The following CDH13 variants were observed in gnomAD, a reference collection of about 807,000 sequenced individuals.
The protein encoded by CDH13 is cadherin 13.
A neutral mutation model predicts 63.8 loss-of-function variants in CDH13; 24 were observed. The ratio of observed to expected loss-of-function variants is 0.38; its 90% CI spans 0.27 to 0.53. CDH13 has a LOEUF of 0.53. Ranked by LOEUF, CDH13 falls within the 20% of genes least tolerant of loss-of-function variation. The pLI is 0.85. For synonymous variants in CDH13, 503 were observed against 355.3 expected (o/e 1.42, Z -4.67); for missense variants, 1,049 against 903.1 (o/e 1.16, Z -2.07).
chr16:83,155,644 C>T (rs557502811), intron 4 of CDH13, among the ~76,000 whole-genome samples: 1 of 152,208 alleles, frequency 6.6e-6, no homozygotes, highest in East Asian at 1.9e-4. Context: ...AAAATGGATG[C>T]ATTGGGGGCC....
rs867442705 is a variant in CDH13, at chr16:83,714,729, G to C, written c.1539-33379G>C. Among the ~76,000 whole-genome samples the C allele has an allele frequency of 2.6e-5, 4 of 152,274 alleles. No individual in the cohort carries two copies. In the South Asian group the frequency reaches 6.2e-4, roughly 24 times the overall value. On this transcript the variant is annotated intron_variant, in intron 10 of 13. Coordinates refer to ENST00000567109, the MANE Select transcript of CDH13 (RefSeq NM_001257.5). ...AATGTTTGACATCCTGGCATCTTTG[G>C]ATGTGTTTGTTTTACATTTAGTAGC... is the stretch of plus-strand genomic sequence containing the variant.
chr16:83,348,589 C>G (rs1161866271), intron 6 of CDH13, among the ~76,000 whole-genome samples: 2 of 152,194 alleles, frequency 1.3e-5, no homozygotes, highest in Non-Finnish European at 2.9e-5. Flanking sequence ...AATTGTTGAA[C>G]AAGGTGTCTG....
intron 5 of CDH13, among the ~76,000 whole-genome samples, chr16:83,340,525 C>A (rs1006792624): frequency 6.6e-6 from 1 of 152,154 alleles, no homozygotes; most frequent in East Asian, 1.9e-4. Context: ...TCCACAAGAC[C>A]CTTGGATTTC....
intron 2 of CDH13, among the ~76,000 whole-genome samples, chr16:82,879,899 ATATATAT>A (rs1404748132): frequency 1.4e-5 from 2 of 143,390 alleles, no homozygotes; most frequent in African/African-American, 5.1e-5. Context: ...AGCTATAGAA[ATATATAT>A]TATATATTTA....
chr16:83,281,302 G>A lies in CDH13; in HGVS notation c.637-63560G>A, dbSNP rs540665775. On this transcript the variant is annotated intron_variant, in intron 5 of 13. Transcript: ENST00000567109. ...CCTTAAACCTCATGAACCAACCTCC[G>A]TTAGGTTCAGACTTTTCTTCTGCAG... Among the ~76,000 whole-genome samples the A allele has an allele frequency of 2.6e-5, 4 of 152,290 alleles. No individual in the cohort carries two copies. The East Asian group carries it at 5.8e-4, about 22-fold the overall frequency.
chr16:82,715,827 C>A (rs1034925739), intron 1 of CDH13, among the ~76,000 whole-genome samples: 1 of 152,168 alleles, frequency 6.6e-6, no homozygotes, highest in Non-Finnish European at 1.5e-5. Flanking sequence ...TCCTACCTGC[C>A]TTTTTTATTT....
intron 5 of CDH13, among the ~76,000 whole-genome samples, chr16:83,223,317 G>A (rs1437913875): frequency 2.0e-5 from 3 of 152,196 alleles, no homozygotes; most frequent in Non-Finnish European, 4.4e-5. Context: ...GCAGAAAGTG[G>A]AAGGGCCAAA....
intron 3 of CDH13, among the ~76,000 whole-genome samples, chr16:83,088,091 T>C (rs7184817): frequency 0.34 from 51,876 of 151,140 alleles, 9,405 homozygotes; most frequent in Middle Eastern, 0.55. Flanking sequence ...TAGAAATATT[T>C]AGAATATTTA....
intron 3 of CDH13, among the ~76,000 whole-genome samples, chr16:83,119,382 T>G (rs937334588): frequency 7.2e-5 from 11 of 152,196 alleles, no homozygotes; most frequent in Admixed American, 1.3e-4. Flanking sequence ...TCATGTCCCC[T>G]AGAAATCTCT....
intron 1 of CDH13, chr16:82,719,290 C>T (rs2032605217): frequency 1.8e-5 from 8 of 446,988 alleles, no homozygotes; most frequent in South Asian, 1.1e-4. Context: ...CTATCTGGGA[C>T]AGGTGGTGTG....
intron 1 of CDH13, among the ~76,000 whole-genome samples, chr16:82,816,220 C>G (rs1450436578): frequency 6.6e-6 from 1 of 152,126 alleles, no homozygotes; most frequent in Non-Finnish European, 1.5e-5. Context: ...CCAACAGGCA[C>G]ATCCTTGTTC....
At chr16:83,777,223 A>C (rs1399695046) in intron 11 of CDH13, among the ~76,000 whole-genome samples, 1 of 152,204 alleles carries the variant, frequency 6.6e-6, no homozygotes, top group African/African-American at 2.4e-5. Context: ...TTCCTGGATC[A>C]CTGCCTTTCC....
chr16:83,486,437 A>C (rs1403047721), intron 6 of CDH13, 40 bp from the exon 7 acceptor site: 1 of 1,584,714 alleles, frequency 6.3e-7, no homozygotes, highest in Non-Finnish European at 8.6e-7. Flanking sequence ...TTGTTGACCC[A>C]TTGATAACCA....
At chr16:82,856,737 C>CA (rs1447934417) in intron 1 of CDH13, among the ~76,000 whole-genome samples, 20 of 137,272 alleles carry the variant, frequency 1.5e-4, no homozygotes, top group African/African-American at 5.5e-4. Flanking sequence ...CTTTAAAAGT[C>CA]AAAAAAAATA....
At chr16:83,691,979 G>T (rs1011196457) in intron 10 of CDH13, among the ~76,000 whole-genome samples, 5 of 152,118 alleles carry the variant, frequency 3.3e-5, no homozygotes, top group African/African-American at 1.2e-4. Flanking sequence ...TACAGGGGAA[G>T]ACAATAAGGA....
At chr16:83,502,862 C>G (rs1193020226) in intron 7 of CDH13, among the ~76,000 whole-genome samples, 3 of 152,220 alleles carry the variant, frequency 2.0e-5, no homozygotes, top group Non-Finnish European at 4.4e-5. Context: ...AGATCTTTCT[C>G]AGGCATCTCC....
intron 8 of CDH13, among the ~76,000 whole-genome samples, chr16:83,620,067 G>C (rs1422141739): frequency 6.6e-6 from 1 of 151,972 alleles, no homozygotes; most frequent in East Asian, 1.9e-4. Context: ...TATTCCAAGT[G>C]CATGGGGAAG....
At chr16:83,198,419 C>T (rs1460917889) in intron 4 of CDH13, among the ~76,000 whole-genome samples, 1 of 152,060 alleles carries the variant, frequency 6.6e-6, no homozygotes, top group East Asian at 1.9e-4. Flanking sequence ...CAACAATTTG[C>T]AGCTGAAGAC....
At chr16:82,637,945 C>T (rs1489656304) in intron 1 of CDH13, among the ~76,000 whole-genome samples, 1 of 152,162 alleles carries the variant, frequency 6.6e-6, no homozygotes, top group South Asian at 2.1e-4. Flanking sequence ...TCTCATGGAG[C>T]TTACAGTTTT....
Sources: gnomAD v4.1 joint callset for allele counts (sites outside exome capture counted in the v4.1 genomes callset) on GRCh38, gnomAD v4.1.1 for gene constraint, MANE v1.5 for transcripts, NCBI Gene and HGNC (gene_info 2026-07-23, HGNC 2026-07-21) for gene names.